The following ST7 variants were observed in gnomAD, a reference collection of about 807,000 sequenced individuals.
ST7 encodes suppressor of tumorigenicity 7 protein.
In ST7, 28 loss-of-function variants were observed where a neutral mutation model predicts 78.7. The observed-to-expected ratio is 0.36, with a 90% confidence interval of 0.26 to 0.49. ST7 has a LOEUF of 0.49. ST7 is among the 20% of genes least tolerant of loss of function. The pLI is 0.99. For missense variants in ST7, 418 were observed against 696.0 expected (o/e 0.60, Z 4.49); for synonymous variants, 247 against 249.6 (o/e 0.99, Z 0.10).
At chr7:117,023,668 A>G (rs1224317975) in intron 1 of ST7, among the ~76,000 whole-genome samples, 2 of 152,206 alleles carry the variant, frequency 1.3e-5, no homozygotes, top group Non-Finnish European at 2.9e-5. Flanking sequence ...TTGAAGATAT[A>G]CAGTTTTAGT....
intron 1 of ST7, among the ~76,000 whole-genome samples, chr7:117,042,082 T>G (rs1158585688): frequency 6.6e-6 from 1 of 152,224 alleles, no homozygotes; most frequent in African/African-American, 2.4e-5. Context: ...GCATAATAAA[T>G]ACACATACGT....
chr7:116,993,764 G>A (rs998536010), intron 1 of ST7, among the ~76,000 whole-genome samples: 1 of 152,212 alleles, frequency 6.6e-6, no homozygotes, highest in Non-Finnish European at 1.5e-5. Flanking sequence ...AAGGATCAGG[G>A]ATGAAATTGA....
intron 1 of ST7, among the ~76,000 whole-genome samples, chr7:117,031,858 C>CTA (rs1479539693): frequency 0.048 from 5,440 of 112,436 alleles, 406 homozygotes; most frequent in East Asian, 0.15. Flanking sequence ...ATATCTATAT[C>CTA]TATCTATCTA....
At chr7:117,065,195 G>C (rs1030065069) in intron 1 of ST7, among the ~76,000 whole-genome samples, 2 of 143,782 alleles carry the variant, frequency 1.4e-5, no homozygotes, top group Non-Finnish European at 3.0e-5. Flanking sequence ...AGGGCTTTTT[G>C]GTTCAAGTCT....
chr7:117,041,243 A>G (rs1294369286), intron 1 of ST7, among the ~76,000 whole-genome samples: 2 of 152,198 alleles, frequency 1.3e-5, no homozygotes, highest in East Asian at 3.8e-4. Context: ...CTACACTGAG[A>G]ATGAATGTAA....
chr7:117,028,459 ACCT>A (rs895886587), intron 1 of ST7, among the ~76,000 whole-genome samples: 2 of 151,926 alleles, frequency 1.3e-5, no homozygotes, highest in African/African-American at 4.8e-5. Context: ...ATTCTTTACT[ACCT>A]CCTCCACCTC....
chr7:117,021,141 T>C (rs757646354), intron 1 of ST7, among the ~76,000 whole-genome samples: 7 of 152,194 alleles, frequency 4.6e-5, no homozygotes, highest in Non-Finnish European at 1.0e-4. Flanking sequence ...AGGATGGATT[T>C]TTTTTTTTCC....
chr7:116,963,112 T>C (rs1792917667), intron 1 of ST7, among the ~76,000 whole-genome samples: 2 of 152,234 alleles, frequency 1.3e-5, no homozygotes, highest in Non-Finnish European at 2.9e-5. Flanking sequence ...CATTAAACTA[T>C]ATAATAGAAT....
chr7:117,114,569 T>C (rs1434782243), intron 2 of ST7, among the ~76,000 whole-genome samples: 1 of 152,244 alleles, frequency 6.6e-6, no homozygotes, highest in Admixed American at 6.5e-5. Context: ...TTGTCTACTT[T>C]AATTCTTAAG....
chr7:117,172,685 C>A (rs193567), intron 10 of ST7, among the ~76,000 whole-genome samples: 19,197 of 152,234 alleles, frequency 0.13, 2,277 homozygotes, highest in African/African-American at 0.31. Flanking sequence ...TGTTGACATT[C>A]TTTTAGTACC....
chr7:117,166,749 C>T (rs1014864269), intron 9 of ST7, among the ~76,000 whole-genome samples: 1 of 151,962 alleles, frequency 6.6e-6, no homozygotes, highest in African/African-American at 2.4e-5. Context: ...ATTAGCCGGG[C>T]ATGGTGGTGG....
intron 1 of ST7, among the ~76,000 whole-genome samples, chr7:117,047,251 A>G (rs1008123680): frequency 6.6e-6 from 1 of 152,196 alleles, no homozygotes; most frequent in Non-Finnish European, 1.5e-5. Flanking sequence ...ATTTGAAGTT[A>G]TAAGTTGAAA....
chr7:117,076,998 A>T (rs1799392996), intron 1 of ST7, among the ~76,000 whole-genome samples: 1 of 152,126 alleles, frequency 6.6e-6, no homozygotes, highest in Non-Finnish European at 1.5e-5. Flanking sequence ...ATTTTTCTTG[A>T]TGATGAAAGT....
chr7:117,202,071 C>T lies in ST7; in HGVS notation c.1255-7716C>T, dbSNP rs1479842401. Among the ~76,000 whole-genome samples, 5 of 80,708 alleles carry T rather than the reference C, an allele frequency of 6.2e-5. 2 individuals are homozygous for T. The highest frequency in any genetic ancestry group is 3.4e-4 in the Admixed American group (2 of 5,800). The allele number at this position is 80,708 out of a possible 152,430, so 52.9% of individuals were successfully genotyped here. A position where few individuals can be genotyped will look rare whatever the true frequency, so the allele number is the denominator to read the frequency against. ...CGCCTCCCGGGTTCACGCCATTCTC[C>T]TGCCTCAGCCTCCCAAGTAGCTGGG... On this transcript the variant is annotated intron_variant, in intron 12 of 15. Coordinates refer to ENST00000323984, the MANE Select transcript of ST7 (RefSeq NM_001369598.1).
At chr7:117,059,109 T>G (rs1334948127) in intron 1 of ST7, among the ~76,000 whole-genome samples, 1 of 152,104 alleles carries the variant, frequency 6.6e-6, no homozygotes, top group East Asian at 1.9e-4. Context: ...ATAGAGTGAA[T>G]AGACCTAGTA....
intron 1 of ST7, among the ~76,000 whole-genome samples, chr7:116,980,918 A>G (rs1793930687): frequency 6.6e-6 from 1 of 152,216 alleles, no homozygotes; most frequent in Non-Finnish European, 1.5e-5. Flanking sequence ...AATGGTTACA[A>G]TATGCTTTAC....
chr7:117,197,396 G>A (rs569441608), intron 12 of ST7, among the ~76,000 whole-genome samples: 73 of 152,210 alleles, frequency 4.8e-4, no homozygotes, highest in African/African-American at 1.6e-3. Context: ...GAACCTCTTT[G>A]GGCAAGAAGA....
chr7:117,042,822 G>A (rs1397367483), intron 1 of ST7, among the ~76,000 whole-genome samples: 2 of 151,742 alleles, frequency 1.3e-5, no homozygotes, highest in Admixed American at 1.3e-4. Flanking sequence ...CCAGTTAGAG[G>A]TTTTTTTCCT....
At chr7:117,025,066 A>G (rs1796120155) in intron 1 of ST7, among the ~76,000 whole-genome samples, 1 of 152,222 alleles carries the variant, frequency 6.6e-6, no homozygotes, top group Non-Finnish European at 1.5e-5. Flanking sequence ...TACTCTAGCA[A>G]TATTAAGTCA....
Sources: gnomAD v4.1 joint callset for allele counts (sites outside exome capture counted in the v4.1 genomes callset) on GRCh38, gnomAD v4.1.1 for gene constraint, MANE v1.5 for transcripts, NCBI Gene and HGNC (gene_info 2026-07-23, HGNC 2026-07-21) for gene names.